The following IGSF10 variants were observed in gnomAD, a reference collection of about 807,000 sequenced individuals.
The protein encoded by IGSF10 is calvaria mechanical force protein 608.
A neutral mutation model predicts 128.2 loss-of-function variants in IGSF10; 126 were observed. The observed-to-expected ratio is 0.98, with a 90% CI of 0.85 to 1.14. The LOEUF (loss-of-function observed/expected upper bound fraction) is 1.14. Ranked by LOEUF, IGSF10 falls within the 50% of genes most tolerant of loss-of-function variation. The probability of loss-of-function intolerance (pLI) is 0.00; values close to 1 mark genes in which losing one functional copy is unlikely to be tolerated. For synonymous variants in IGSF10, 1,185 were observed against 1,146.2 expected, an observed-to-expected ratio of 1.03 and a Z score of -0.68; for missense variants, 3,295 against 3,149.8, an observed-to-expected ratio of 1.05 and a Z score of -1.10.
the IGSF10 span, among the ~76,000 whole-genome samples, chr3:151,573,201 T>C: frequency 6.6e-6 from 1 of 152,216 alleles, no homozygotes; most frequent in South Asian, 2.1e-4. Context: ...AGAATGTATA[T>C]TCTGTTGATT....
intron 3 of IGSF10, 112 bp from the exon 4 acceptor site, chr3:151,457,267 C>G: frequency 1.0e-6 from 1 of 966,400 alleles, no homozygotes; most frequent in South Asian, 1.7e-5. Context: ...TAACTGTACT[C>G]TATTGAGACA....
the IGSF10 span, among the ~76,000 whole-genome samples, chr3:151,521,125 G>A: frequency 6.6e-6 from 1 of 151,918 alleles, no homozygotes; most frequent in African/African-American, 2.4e-5. Context: ...GATCAAAAAA[G>A]ACAAAGAAGG....
chr3:151,453,057 G>A (rs1431350363), intron 5 of IGSF10, among the ~76,000 whole-genome samples: 1 of 152,022 alleles, frequency 6.6e-6, no homozygotes, highest in African/African-American at 2.4e-5. Context: ...GGAGGCTGAG[G>A]ATAGGCCAGC....
the IGSF10 span, among the ~76,000 whole-genome samples, chr3:151,482,133 C>T: frequency 6.6e-6 from 1 of 152,022 alleles, no homozygotes; most frequent in South Asian, 2.1e-4. Context: ...ACACAAGAAA[C>T]ATGAAAAAGA....
intron 7 of IGSF10, among the ~76,000 whole-genome samples, chr3:151,441,922 G>GCA (rs1185603980): frequency 4.6e-5 from 7 of 152,174 alleles, no homozygotes; most frequent in Admixed American, 1.3e-4. Context: ...TTAGTCGGAT[G>GCA]TGGTGGCGGG....
the IGSF10 span, among the ~76,000 whole-genome samples, chr3:151,509,848 G>A: frequency 6.6e-6 from 1 of 152,174 alleles, no homozygotes; most frequent in African/African-American, 2.4e-5. Context: ...TGGCTCAGAG[G>A]GTCTTACACC....
At chr3:151,597,169 C>T in the IGSF10 span, among the ~76,000 whole-genome samples, 119 of 152,222 alleles carry the variant, frequency 7.8e-4, no homozygotes, top group African/African-American at 2.6e-3. Context: ...TACAAGTGTT[C>T]GACAGTATTT....
chr3:151,616,680 G>T, the IGSF10 span, among the ~76,000 whole-genome samples: 1 of 152,122 alleles, frequency 6.6e-6, no homozygotes, highest in Non-Finnish European at 1.5e-5. Flanking sequence ...GAGTAAAAAT[G>T]CTTTCCACAA....
chr3:151,618,083 G>A, the IGSF10 span, among the ~76,000 whole-genome samples: 3 of 152,126 alleles, frequency 2.0e-5, no homozygotes, highest in Non-Finnish European at 4.4e-5. Context: ...GGGCCTTTGG[G>A]AGTTAATTAG....
At chr3:151,576,385 C>T in the IGSF10 span, among the ~76,000 whole-genome samples, 3,821 of 152,118 alleles carry the variant, frequency 0.025, 94 homozygotes, top group East Asian at 0.13. Flanking sequence ...CCATCATCTT[C>T]TCTGAATCAT....
upstream of IGSF10, among the ~76,000 whole-genome samples, chr3:151,464,188 C>T (rs60949420): frequency 0.011 from 1,643 of 152,228 alleles, 26 homozygotes; most frequent in African/African-American, 0.037. Flanking sequence ...AATTTACCTA[C>T]GCTTTAAGGA....
chr3:151,489,808 C>T, the IGSF10 span, among the ~76,000 whole-genome samples: 1 of 152,002 alleles, frequency 6.6e-6, no homozygotes, highest in African/African-American at 2.4e-5. Context: ...ACATCACATA[C>T]TGGGGTCTGT....
chr3:151,432,708 A>C (rs760283219), downstream of IGSF10: 3 of 1,473,102 alleles, frequency 2.0e-6, no homozygotes, highest in Non-Finnish European at 1.9e-6. Context: ...TCTGTGCAAT[A>C]GTTTTGTGTC....
downstream of IGSF10, chr3:151,433,946 T>G (rs1350616906): frequency 6.6e-6 from 1 of 152,648 alleles, no homozygotes; most frequent in Non-Finnish European, 1.5e-5. Context: ...TATTTTAACT[T>G]TGTTCAAGTA....
At chr3:151,435,062 C>CTTTTTTTTTTTTTTTTTTTTTTTTTTTT (rs66791814), downstream of IGSF10, 2 of 119,082 alleles carry the variant, frequency 1.7e-5, no homozygotes, top group Non-Finnish European at 3.5e-5. Flanking sequence ...TGAGAGGTTT[C>CTTTTTTTTTTTTTTTTTTTTTTTTTTTT]TTTTTTTTTT....
At chr3:151,606,742 C>T in the IGSF10 span, among the ~76,000 whole-genome samples, 1 of 152,150 alleles carries the variant, frequency 6.6e-6, no homozygotes, top group African/African-American at 2.4e-5. Context: ...AACTGGGCCC[C>T]CAGTGCTTTT....
chr3:151,608,582 A>G, the IGSF10 span, among the ~76,000 whole-genome samples: 1 of 152,154 alleles, frequency 6.6e-6, no homozygotes, highest in African/African-American at 2.4e-5. Context: ...CACTTTTGGT[A>G]TCCCCTTTAC....
At chr3:151,579,875 A>AAAGGAAGGAAGG in the IGSF10 span, among the ~76,000 whole-genome samples, 1,077 of 121,780 alleles carry the variant, frequency 8.8e-3, 24 homozygotes, top group African/African-American at 0.028. Flanking sequence ...GGGAGGAAGG[A>AAAGGAAGGAAGG]AAGGAAGGAA....
At chr3:151,496,677 A>C in the IGSF10 span, among the ~76,000 whole-genome samples, 9 of 151,428 alleles carry the variant, frequency 5.9e-5, no homozygotes, top group Admixed American at 2.0e-4. Context: ...GATTTATAAT[A>C]CTTTGGGTAT....
Sources: allele counts gnomAD v4.1 joint callset (sites outside exome capture counted in the v4.1 genomes callset), GRCh38; gene constraint gnomAD v4.1.1; transcripts MANE v1.5; gene names NCBI Gene and HGNC (gene_info 2026-07-23, HGNC 2026-07-21).